The following ZFYVE9 variants were observed in gnomAD, a reference collection of about 807,000 sequenced individuals.
ZFYVE9 encodes zinc finger FYVE-type containing 9, also known as zinc finger FYVE domain-containing protein 9.
Under a neutral mutation model 126.7 loss-of-function variants are expected in ZFYVE9, and 43 were observed. That is an observed-to-expected ratio of 0.34 (90% CI 0.27 to 0.44). The LOEUF is 0.44. ZFYVE9 is among the 20% of genes least tolerant of loss of function. The pLI is 1.00. For missense variants in ZFYVE9, 1,476 were observed against 1,697.0 expected (o/e 0.87, Z 2.29); for synonymous variants, 521 against 597.4 (o/e 0.87, Z 1.87).
intron 2 of ZFYVE9, among the ~76,000 whole-genome samples, chr1:52,222,213 A>G (rs1302646363): frequency 2.0e-5 from 3 of 152,228 alleles, no homozygotes; most frequent in Non-Finnish European, 4.4e-5. Flanking sequence ...TGGAGAAGGC[A>G]TATGGATGAA....
chr1:52,222,667 G>A (rs1269447087), intron 2 of ZFYVE9, among the ~76,000 whole-genome samples: 1 of 152,180 alleles, frequency 6.6e-6, no homozygotes. Context: ...AGGGAATAGG[G>A]TATTGTTTTG....
chr1:52,289,442 G>A (rs1447567592), intron 10 of ZFYVE9, among the ~76,000 whole-genome samples: 1 of 152,084 alleles, frequency 6.6e-6, no homozygotes, highest in African/African-American at 2.4e-5. Flanking sequence ...TTGATATAAA[G>A]CATTTAACAC....
At chr1:52,161,010 A>G (rs1644452966) in intron 1 of ZFYVE9, among the ~76,000 whole-genome samples, 1 of 152,186 alleles carries the variant, frequency 6.6e-6, no homozygotes, top group Admixed American at 6.5e-5. Flanking sequence ...TTTCTGTGAC[A>G]GACAATTCAG....
At position 52,213,509 on chromosome 1, in the gene ZFYVE9, G is replaced by A. The variant is rs190129022; in HGVS notation, c.-142-2860G>A. On this transcript the variant is annotated intron_variant, in intron 1 of 18. Transcript: ENST00000287727. The stretch of plus-strand genomic sequence containing the variant: ...CTACTAAAATACAAAAAAATTAGCC[G>A]GGCCTGGTGGCGTGCATCTGTAGTC... Among the ~76,000 whole-genome samples the A allele has an allele frequency of 6.5e-3, 986 of 152,000 alleles. 10 individuals carry two copies. The highest frequency in any genetic ancestry group is 0.022 in the African/African-American group (893 of 41,446).
chr1:52,262,061 G>A (rs1378087245), intron 4 of ZFYVE9, among the ~76,000 whole-genome samples: 1 of 152,102 alleles, frequency 6.6e-6, no homozygotes, highest in Non-Finnish European at 1.5e-5. Flanking sequence ...TAGACTAGAT[G>A]GCTTATAAAT....
intron 1 of ZFYVE9, among the ~76,000 whole-genome samples, chr1:52,153,107 A>G (rs761700271): frequency 2.0e-5 from 3 of 152,252 alleles, no homozygotes; most frequent in Non-Finnish European, 4.4e-5. Context: ...GAGCATGGTC[A>G]TGACTGGGAA....
chr1:52,269,327 A>C (rs986012103), intron 7 of ZFYVE9, among the ~76,000 whole-genome samples: 1 of 151,808 alleles, frequency 6.6e-6, no homozygotes, highest in African/African-American at 2.4e-5. Context: ...ACAGGGTTTC[A>C]CCATGTTGCC....
chr1:52,314,826 A>C (rs535931290), intron 13 of ZFYVE9, among the ~76,000 whole-genome samples: 138 of 151,828 alleles, frequency 9.1e-4, no homozygotes, highest in African/African-American at 3.2e-3. Context: ...AGAAAAAAAA[A>C]AGCAAAAACC....
intron 7 of ZFYVE9, among the ~76,000 whole-genome samples, chr1:52,273,139 T>A (rs1292518880): frequency 6.6e-6 from 1 of 152,104 alleles, no homozygotes; most frequent in Non-Finnish European, 1.5e-5. Flanking sequence ...CCCTAGTAGC[T>A]GAGATTACAG....
chr1:52,286,477 A>G (rs946906887), intron 10 of ZFYVE9, among the ~76,000 whole-genome samples: 3 of 152,202 alleles, frequency 2.0e-5, no homozygotes, highest in African/African-American at 7.2e-5. Flanking sequence ...CAGTTTTTGC[A>G]TTCTGCAGTG....
intron 12 of ZFYVE9, 85 bp downstream of exon 12, chr1:52,296,062 C>A: frequency 7.9e-7 from 1 of 1,260,122 alleles, no homozygotes; most frequent in Non-Finnish European, 1.1e-6. Flanking sequence ...TTCTTGGTAG[C>A]TGTGCCCAAG....
chr1:52,232,712 G>C (rs1464366965), intron 2 of ZFYVE9, among the ~76,000 whole-genome samples: 1 of 114,878 alleles, frequency 8.7e-6, no homozygotes, highest in African/African-American at 3.5e-5. Flanking sequence ...TAGGCAACAA[G>C]AGTGAGACTC....
chr1:52,183,242 G>A (rs1323199775), intron 1 of ZFYVE9, among the ~76,000 whole-genome samples: 1 of 152,108 alleles, frequency 6.6e-6, no homozygotes, highest in African/African-American at 2.4e-5. Flanking sequence ...CTTAGAGTAT[G>A]TTGTAAAGTA....
At chr1:52,198,062 C>T (rs894444866) in intron 1 of ZFYVE9, among the ~76,000 whole-genome samples, 6 of 150,754 alleles carry the variant, frequency 4.0e-5, no homozygotes, top group Non-Finnish European at 7.4e-5. Flanking sequence ...TGGAAGAGCA[C>T]CTATAGGCAG....
chr1:52,314,296 A>G (rs1197098816), intron 13 of ZFYVE9, among the ~76,000 whole-genome samples: 1 of 152,226 alleles, frequency 6.6e-6, no homozygotes. Flanking sequence ...CATGAAAACA[A>G]TGCAAGTTGC....
intron 15 of ZFYVE9, among the ~76,000 whole-genome samples, chr1:52,336,440 C>T (rs1410269832): frequency 7.1e-6 from 1 of 141,246 alleles, no homozygotes; most frequent in Non-Finnish European, 1.5e-5. Context: ...TCTTGGCTCA[C>T]TGCAACTTCT....
At chr1:52,248,022 A>G (rs112614930) in intron 4 of ZFYVE9, among the ~76,000 whole-genome samples, 7 of 152,318 alleles carry the variant, frequency 4.6e-5, no homozygotes, top group African/African-American at 1.7e-4. Context: ...AGATATATAT[A>G]TATGACTTTA....
chr1:52,156,673 A>G (rs981856450), intron 1 of ZFYVE9, among the ~76,000 whole-genome samples: 1 of 152,158 alleles, frequency 6.6e-6, no homozygotes, highest in African/African-American at 2.4e-5. Flanking sequence ...ATTAAAAGCT[A>G]GACTTTGGCC....
rs372811140 is a variant in ZFYVE9 at position 52,324,120 on chromosome 1, C to T, written c.3439-8648C>T. 1.2e-4 allele frequency among the ~76,000 whole-genome samples: 18 copies of T among 151,670 alleles called. 1 individual carries two copies. In the East Asian group the frequency reaches 3.5e-3, roughly 29 times the overall value. On this transcript the variant is annotated intron_variant, in intron 13 of 18. Transcript: ENST00000287727. ...ATAAAGATAGCTGGGCATAGTGGTA[C>T]ATAGCTATAGTCTGTGTACCTGGGA...
Sources: gnomAD v4.1 joint callset for allele counts (sites outside exome capture counted in the v4.1 genomes callset) on GRCh38, gnomAD v4.1.1 for gene constraint, MANE v1.5 for transcripts, NCBI Gene and HGNC (gene_info 2026-07-23, HGNC 2026-07-21) for gene names.